Variants in EPB41L2 observed in about 807,000 individuals in gnomAD.
The protein encoded by EPB41L2 is band 4.1-like protein 2.
EPB41L2 carries 43 observed loss-of-function variants against 113.0 expected under a neutral mutation model. The ratio of observed to expected loss-of-function variants is 0.38; its 90% CI spans 0.30 to 0.49. The LOEUF (loss-of-function observed/expected upper bound fraction) is 0.49, where lower values mean the gene tolerates loss of function less well. Ranked by LOEUF, EPB41L2 falls within the 20% of genes least tolerant of loss-of-function variation. The pLI, the probability that EPB41L2 is intolerant of heterozygous loss-of-function variation, is 0.95. For synonymous variants in EPB41L2, 442 were observed against 436.7 expected (o/e 1.01, Z -0.15); for missense variants, 1,147 against 1,223.4 (o/e 0.94, Z 0.93).
chr6:130,861,456 C>A (rs1030812443), intron 18 of EPB41L2, among the ~76,000 whole-genome samples: 7 of 152,204 alleles, frequency 4.6e-5, no homozygotes, highest in African/African-American at 1.7e-4. Flanking sequence ...CGGATTTTGA[C>A]AGCAAAGCGA....
intron 14 of EPB41L2, among the ~76,000 whole-genome samples, chr6:130,871,103 T>C (rs980464911): frequency 6.6e-6 from 1 of 152,208 alleles, no homozygotes; most frequent in Non-Finnish European, 1.5e-5. Context: ...GGGAGTAAAG[T>C]AATTTACTCC....
chr6:130,885,925 CTCT>C (rs951533801), intron 11 of EPB41L2, among the ~76,000 whole-genome samples: 1 of 152,150 alleles, frequency 6.6e-6, no homozygotes, highest in Non-Finnish European at 1.5e-5. Context: ...CTCATGTGCT[CTCT>C]TCTTCTCTCC....
chr6:130,928,156 G>A (rs958601112), intron 3 of EPB41L2, among the ~76,000 whole-genome samples: 1 of 152,064 alleles, frequency 6.6e-6, no homozygotes, highest in African/African-American at 2.4e-5. Flanking sequence ...CATATTACAG[G>A]TTTGCAATGA....
chr6:130,880,052 G>A, intron 13 of EPB41L2, 92 bp downstream of exon 13: 2 of 911,560 alleles, frequency 2.2e-6, no homozygotes, highest in African/African-American at 1.6e-5. Flanking sequence ...CACCGTGCTT[G>A]AAGAACATTG....
chr6:130,996,369 T>C lies in EPB41L2; in HGVS notation c.-14-39870A>G, dbSNP rs1044733807. ...TCAGGCCAGCACAGATCAGCTCTTG[T>C]TGGAAATCAGTGAGCTGGCCCCTCC... is the stretch of plus-strand genomic sequence containing the variant. On this transcript the variant is annotated intron_variant, in intron 1 of 19. Coordinates refer to ENST00000337057, the MANE Select transcript of EPB41L2 (RefSeq NM_001431.4). 6.2e-4 allele frequency among the ~76,000 whole-genome samples: 87 copies of C among 140,714 alleles called. 1 individual carries two copies. Among genetic ancestry groups the C allele is most frequent in the Admixed American group, 6.1e-3 (86 of 14,040 alleles). The allele number at this position is 140,714 out of a possible 152,430, so 92.3% of individuals were successfully genotyped here.
intron 4 of EPB41L2, among the ~76,000 whole-genome samples, chr6:130,916,447 T>A (rs542847647): frequency 6.6e-6 from 1 of 152,286 alleles, no homozygotes; most frequent in African/African-American, 2.4e-5. Context: ...AAAGCTTAAT[T>A]ATGAATCCTA....
chr6:130,938,118 G>A (rs1222953912), intron 3 of EPB41L2, among the ~76,000 whole-genome samples: 1 of 152,202 alleles, frequency 6.6e-6, no homozygotes, highest in Non-Finnish European at 1.5e-5. Flanking sequence ...GAGGGAGATA[G>A]GACGTGACAC....
intron 1 of EPB41L2, among the ~76,000 whole-genome samples, chr6:131,050,495 T>C (rs1796300253): frequency 1.3e-5 from 2 of 152,236 alleles, no homozygotes; most frequent in African/African-American, 4.8e-5. Flanking sequence ...TAACTAACAC[T>C]GATCACATAA....
chr6:131,013,661 C>T (rs1224146577), intron 1 of EPB41L2: 1 of 152,172 alleles, frequency 6.6e-6, no homozygotes, highest in African/African-American at 2.4e-5. Context: ...GGCAGCAACA[C>T]AGGAAACTGC....
chr6:131,039,872 C>A (rs1794098907), intron 1 of EPB41L2, among the ~76,000 whole-genome samples: 1 of 150,788 alleles, frequency 6.6e-6, no homozygotes, highest in South Asian at 2.1e-4. Context: ...AACTATTATA[C>A]CAAGAGCTTA....
chr6:131,015,336 G>A (rs2128730653), intron 1 of EPB41L2: 1 of 152,286 alleles, frequency 6.6e-6, no homozygotes, highest in Admixed American at 6.5e-5. Context: ...AAAATAGCCT[G>A]TAAGACAATC....
intron 3 of EPB41L2, among the ~76,000 whole-genome samples, chr6:130,951,091 T>C (rs1226214627): frequency 6.6e-6 from 1 of 151,884 alleles, no homozygotes; most frequent in Non-Finnish European, 1.5e-5. Flanking sequence ...ACCCCGTCTC[T>C]ACCAAAAATA....
intron 1 of EPB41L2, among the ~76,000 whole-genome samples, chr6:130,972,962 A>AAAAAAAAAAAAAAAC: frequency 7.1e-6 from 1 of 140,444 alleles, no homozygotes; most frequent in East Asian, 2.3e-4. Context: ...AAAAAAAAAA[A>AAAAAAAAAAAAAAAC]ACAGCCGGGT....
At chr6:130,933,688 G>A (rs1324391603) in intron 3 of EPB41L2, among the ~76,000 whole-genome samples, 1 of 152,184 alleles carries the variant, frequency 6.6e-6, no homozygotes, top group Non-Finnish European at 1.5e-5. Flanking sequence ...AAGAGTAAAT[G>A]AAATCTACTG....
chr6:131,017,130 G>A (rs1490557775), intron 1 of EPB41L2, among the ~76,000 whole-genome samples: 1 of 152,090 alleles, frequency 6.6e-6, no homozygotes, highest in Non-Finnish European at 1.5e-5. Context: ...CTTAATTTGA[G>A]TTACAATAAA....
intron 1 of EPB41L2, among the ~76,000 whole-genome samples, chr6:130,998,116 T>C (rs1290341918): frequency 6.6e-6 from 1 of 152,194 alleles, no homozygotes; most frequent in East Asian, 1.9e-4. Context: ...GTACTACCAA[T>C]GACTCCATTT....
intron 18 of EPB41L2, among the ~76,000 whole-genome samples, chr6:130,859,823 G>A (rs138378994): frequency 3.7e-4 from 56 of 152,146 alleles, no homozygotes; most frequent in African/African-American, 1.3e-3. Flanking sequence ...ATTTGAGGGT[G>A]CTTAAATTTC....
chr6:131,043,801 C>A (rs1192968784), intron 1 of EPB41L2, among the ~76,000 whole-genome samples: 4 of 152,106 alleles, frequency 2.6e-5, no homozygotes, highest in Non-Finnish European at 4.4e-5. Flanking sequence ...AGAGTCTCAT[C>A]TTTTATAGAT....
chr6:131,026,440 G>A (rs1790883380), intron 1 of EPB41L2, among the ~76,000 whole-genome samples: 1 of 152,156 alleles, frequency 6.6e-6, no homozygotes, highest in African/African-American at 2.4e-5. Context: ...TGTGGGAGTT[G>A]GGTTTTCAGT....
Sources: gnomAD v4.1 joint callset for allele counts (sites outside exome capture counted in the v4.1 genomes callset) on GRCh38, gnomAD v4.1.1 for gene constraint, MANE v1.5 for transcripts, NCBI Gene and HGNC (gene_info 2026-07-23, HGNC 2026-07-21) for gene names.